Variants in ASIC2 observed in about 807,000 individuals in gnomAD.
The protein encoded by ASIC2 is acid sensing ion channel subunit 2.
ASIC2 carries 25 observed loss-of-function variants against 57.3 expected under a neutral mutation model. That is an observed-to-expected ratio of 0.44 (90% CI 0.32 to 0.61). ASIC2 has a LOEUF of 0.61. Among genes scored for constraint, ASIC2 ranks in the 20% least tolerant of loss-of-function variants. The probability of loss-of-function intolerance (pLI) is 0.06; values close to 1 mark genes in which losing one functional copy is unlikely to be tolerated. For synonymous variants in ASIC2, 319 were observed against 307.5 expected, an observed-to-expected ratio of 1.04 and a Z score of -0.39; for missense variants, 641 against 738.1, an observed-to-expected ratio of 0.87 and a Z score of 1.52.
chr17:34,148,416 A>G (rs1904376794), intron 1 of ASIC2, among the ~76,000 whole-genome samples: 1 of 152,224 alleles, frequency 6.6e-6, no homozygotes, highest in African/African-American at 2.4e-5. Context: ...CATTATGGAA[A>G]ACTTGCTTAG....
At chr17:34,035,163 T>C (rs1907817691) in intron 1 of ASIC2, among the ~76,000 whole-genome samples, 1 of 148,324 alleles carries the variant, frequency 6.7e-6, no homozygotes, top group South Asian at 2.1e-4. Context: ...AAAACAGAGA[T>C]ATAGATCAAT....
chr17:33,994,157 G>A (rs1439687520), intron 1 of ASIC2, among the ~76,000 whole-genome samples: 2 of 152,162 alleles, frequency 1.3e-5, no homozygotes, highest in African/African-American at 2.4e-5. Flanking sequence ...TGAGGCTGGT[G>A]TATCAGGGTC....
At chr17:33,688,899 T>C (rs1035615211) in intron 1 of ASIC2, 1 of 152,212 alleles carries the variant, frequency 6.6e-6, no homozygotes, top group Non-Finnish European at 1.5e-5. Flanking sequence ...GGAAGGACAA[T>C]GACTGACCTA....
chr17:33,834,046 G>A (rs939206085), intron 1 of ASIC2: 1 of 152,188 alleles, frequency 6.6e-6, no homozygotes, highest in African/African-American at 2.4e-5. Context: ...CTGGATGGGA[G>A]TAAGACCCTA....
chr17:33,807,155 G>C (rs776094337), intron 1 of ASIC2, among the ~76,000 whole-genome samples: 1 of 152,170 alleles, frequency 6.6e-6, no homozygotes, highest in Non-Finnish European at 1.5e-5. Context: ...CAGGACACCA[G>C]GCACCCCACT....
chr17:33,556,855 T>C (rs2141980827), intron 1 of ASIC2, among the ~76,000 whole-genome samples: 2 of 152,342 alleles, frequency 1.3e-5, no homozygotes, highest in South Asian at 2.1e-4. Flanking sequence ...TTCCCCTAAG[T>C]TATTCCCATA....
At chr17:33,711,915 C>T (rs1909048823) in intron 1 of ASIC2, among the ~76,000 whole-genome samples, 1 of 152,124 alleles carries the variant, frequency 6.6e-6, no homozygotes, top group South Asian at 2.1e-4. Flanking sequence ...ATCTTCAGAA[C>T]CAGGAAATTA....
At chr17:33,878,857 G>A (rs1914622340) in intron 1 of ASIC2, among the ~76,000 whole-genome samples, 1 of 152,188 alleles carries the variant, frequency 6.6e-6, no homozygotes, top group African/African-American at 2.4e-5. Context: ...CAGCCAGAGA[G>A]AAAGGTCGGG....
intron 1 of ASIC2, among the ~76,000 whole-genome samples, chr17:33,274,263 C>T (rs1904618559): frequency 6.6e-6 from 1 of 152,180 alleles, no homozygotes. Context: ...CAAGTCTGCT[C>T]CAACACCTAC....
At chr17:34,091,267 T>TTA (rs1456694991) in intron 1 of ASIC2, among the ~76,000 whole-genome samples, 1 of 152,246 alleles carries the variant, frequency 6.6e-6, no homozygotes, top group Non-Finnish European at 1.5e-5. Context: ...GTCTGGAACT[T>TTA]CTTAGAGGCC....
intron 1 of ASIC2, among the ~76,000 whole-genome samples, chr17:33,372,100 G>T (rs1284041610): frequency 6.6e-6 from 1 of 152,078 alleles, no homozygotes; most frequent in Non-Finnish European, 1.5e-5. Context: ...TGAAGCTGGA[G>T]CTGCACTAGA....
intron 1 of ASIC2, among the ~76,000 whole-genome samples, chr17:33,950,501 G>A (rs533146215): frequency 2.6e-5 from 4 of 152,314 alleles, no homozygotes; most frequent in Admixed American, 6.5e-5. Context: ...CCCAAACGAC[G>A]GATCCCCCTT....
intron 1 of ASIC2, among the ~76,000 whole-genome samples, chr17:33,629,451 GT>G (rs1187882645): frequency 2.6e-5 from 4 of 152,302 alleles, no homozygotes; most frequent in South Asian, 4.1e-4. Context: ...GGGCTACTCA[GT>G]TTTTATAAAG....
chr17:33,391,921 G>A (rs1368544678), intron 1 of ASIC2, among the ~76,000 whole-genome samples: 1 of 152,136 alleles, frequency 6.6e-6, no homozygotes, highest in Non-Finnish European at 1.5e-5. Context: ...GTGACTTGTA[G>A]GATATCCTAT....
rs529670868 is a variant in ASIC2, at chr17:33,449,746, G to T, written c.556-337679C>A. 3.3e-5 allele frequency among the ~76,000 whole-genome samples: 5 copies of T among 151,834 alleles called. No homozygotes were observed. The South Asian group carries it at 6.3e-4, about 19-fold the overall frequency. On this transcript the variant is annotated intron_variant, in intron 1 of 9. Transcript: ENST00000359872. ...ACCTGGGTTCCAAAGCTACACAAAG[G>T]ATTCACAGAATAATTTTCTTTTTTC...
At chr17:33,189,543 A>G (rs1186843595) in intron 1 of ASIC2, among the ~76,000 whole-genome samples, 1 of 152,170 alleles carries the variant, frequency 6.6e-6, no homozygotes, top group Non-Finnish European at 1.5e-5. Flanking sequence ...GTATTGAAAA[A>G]TGCGAGACCC....
upstream of ASIC2, among the ~76,000 whole-genome samples, chr17:33,295,843 CT>C (rs1905699985): frequency 6.6e-6 from 1 of 152,028 alleles, no homozygotes; most frequent in South Asian, 2.1e-4. Flanking sequence ...GTATTTTGGC[CT>C]TTTTTATACA....
intron 1 of ASIC2, among the ~76,000 whole-genome samples, chr17:34,024,730 C>T (rs531885596): frequency 3.7e-4 from 57 of 152,262 alleles, no homozygotes; most frequent in African/African-American, 1.3e-3. Flanking sequence ...GGCCTGAGGC[C>T]CAACCAGACC....
chr17:33,754,902 G>A (rs1392382439), intron 1 of ASIC2, among the ~76,000 whole-genome samples: 1 of 134,830 alleles, frequency 7.4e-6, no homozygotes, highest in Non-Finnish European at 1.5e-5. Flanking sequence ...AGCTTGCAGT[G>A]AGCCAAGATC....
Sources: gnomAD v4.1 joint callset for allele counts (sites outside exome capture counted in the v4.1 genomes callset) on GRCh38, gnomAD v4.1.1 for gene constraint, MANE v1.5 for transcripts, NCBI Gene and HGNC (gene_info 2026-07-23, HGNC 2026-07-21) for gene names.